Variants in PPP1R12A observed in about 807,000 individuals in gnomAD.
The protein encoded by PPP1R12A is protein phosphatase 1 regulatory subunit 12A, also known as myosin binding subunit.
A neutral mutation model predicts 139.6 loss-of-function variants in PPP1R12A; 19 were observed. The observed-to-expected ratio is 0.14, with a 90% confidence interval of 0.09 to 0.20. The LOEUF is 0.20. Among genes scored for constraint, PPP1R12A ranks in the 10% least tolerant of loss-of-function variants. The pLI is 1.00. For synonymous variants in PPP1R12A, 427 were observed against 420.6 expected, an observed-to-expected ratio of 1.02 and a Z score of -0.19; for missense variants, 925 against 1,211.5, an observed-to-expected ratio of 0.76 and a Z score of 3.51.
At chr12:79,782,889 G>A (rs945411193) in intron 22 of PPP1R12A, among the ~76,000 whole-genome samples, 1 of 152,112 alleles carries the variant, frequency 6.6e-6, no homozygotes, top group Non-Finnish European at 1.5e-5. Context: ...GTTAAATGTG[G>A]TAATTTTAAA....
chr12:79,783,292 T>C (rs1320076456), intron 22 of PPP1R12A, among the ~76,000 whole-genome samples: 6 of 45,794 alleles, frequency 1.3e-4, no homozygotes, highest in Non-Finnish European at 2.0e-4. Flanking sequence ...ACCCCGTCTC[T>C]ACCAAAAAAA....
intron 1 of PPP1R12A, among the ~76,000 whole-genome samples, 199 bp downstream of exon 1, chr12:79,934,496 C>G (rs1256299745): frequency 6.6e-6 from 1 of 152,216 alleles, no homozygotes; most frequent in African/African-American, 2.4e-5. Flanking sequence ...AGCAACTGTT[C>G]TGAAGGGGGG....
intron 2 of PPP1R12A, chr12:79,848,709 G>C (rs868307396): frequency 6.6e-6 from 1 of 151,988 alleles, no homozygotes; most frequent in Non-Finnish European, 1.5e-5. Context: ...CTGCACTCTA[G>C]AACTATTACT....
rs187260278 is a variant in PPP1R12A, at chr12:79,794,071, C to A, written c.2584-143G>T. ...GATAGAATGAGATGTCTAGGATTTT[C>A]TTCTAAATAATATGGGAGTTGGGAG... On this transcript the variant is annotated intron_variant, in intron 18 of 24. Transcript: ENST00000450142. 3.6e-3 allele frequency: 2,215 copies of A among 611,050 alleles called. 18 individuals carry two copies. Among genetic ancestry groups the A allele is most frequent in the Non-Finnish European group, 4.4e-3 (1,654 of 374,602 alleles). The allele number at this position is 611,050 out of a possible 1,614,324, so 37.9% of individuals were successfully genotyped here. A position where few individuals can be genotyped will look rare whatever the true frequency, so the allele number is the denominator to read the frequency against.
intron 1 of PPP1R12A, among the ~76,000 whole-genome samples, chr12:79,906,621 GTATT>G (rs956573522): frequency 8.0e-5 from 12 of 149,888 alleles, no homozygotes; most frequent in Admixed American, 4.6e-4. Context: ...ATGTATGTAT[GTATT>G]TATTTATTTA....
chr12:79,788,791 A>G lies in PPP1R12A; in HGVS notation c.2667-8T>C. 6.4e-7 allele frequency: 1 copy of G among 1,573,926 alleles called. No individual in the cohort carries two copies. Among genetic ancestry groups the G allele is most frequent in the East Asian group, 2.3e-5 (1 of 42,960 alleles). On this transcript the variant is annotated splice_polypyrimidine_tract_variant and splice_region_variant and intron_variant, in intron 20 of 24. Transcript: ENST00000450142. ...GTAGAACTGGTTTCATATCTTCAAA[A>G]GATTAATTTAAATAAAAAACCTTGT...
At chr12:79,880,664 G>T (rs1163063303) in intron 1 of PPP1R12A, among the ~76,000 whole-genome samples, 1 of 152,132 alleles carries the variant, frequency 6.6e-6, no homozygotes, top group African/African-American at 2.4e-5. Context: ...GAAGGGTGAC[G>T]TGATCAGATC....
At chr12:79,884,921 AAGG>A (rs1883970224) in intron 1 of PPP1R12A, among the ~76,000 whole-genome samples, 2 of 152,198 alleles carry the variant, frequency 1.3e-5, no homozygotes. Flanking sequence ...AAGAGTTAAC[AAGG>A]TGTTTATACA....
At chr12:79,848,659 A>G (rs1217176889) in intron 2 of PPP1R12A, 1 of 152,180 alleles carries the variant, frequency 6.6e-6, no homozygotes, top group African/African-American at 2.4e-5. Flanking sequence ...ATATGTATGT[A>G]TGTACTTATG....
intron 4 of PPP1R12A, among the ~76,000 whole-genome samples, chr12:79,830,795 C>T (rs1371856696): frequency 6.6e-6 from 1 of 152,064 alleles, no homozygotes; most frequent in African/African-American, 2.4e-5. Flanking sequence ...TAAAAGCATC[C>T]AGACAGAAAC....
chr12:79,886,511 C>T (rs760720937), intron 1 of PPP1R12A, among the ~76,000 whole-genome samples: 17 of 152,022 alleles, frequency 1.1e-4, no homozygotes, highest in Non-Finnish European at 1.9e-4. Flanking sequence ...AACAAGAAAT[C>T]CAAAACATAC....
chr12:79,896,111 A>C (rs1008992463), intron 1 of PPP1R12A, among the ~76,000 whole-genome samples: 6 of 152,068 alleles, frequency 3.9e-5, no homozygotes, highest in Non-Finnish European at 8.8e-5. Flanking sequence ...AATTAAGGAG[A>C]GATAAGAAGA....
At chr12:79,871,217 A>G (rs1183140592) in intron 2 of PPP1R12A, among the ~76,000 whole-genome samples, 1 of 152,208 alleles carries the variant, frequency 6.6e-6, no homozygotes, top group Non-Finnish European at 1.5e-5. Context: ...AACAAGTACC[A>G]TTATTCTTTA....
intron 24 of PPP1R12A, among the ~76,000 whole-genome samples, chr12:79,777,931 TC>T (rs1445495692): frequency 5.3e-5 from 8 of 152,130 alleles, no homozygotes; most frequent in Non-Finnish European, 1.2e-4. Flanking sequence ...ATCTTGAACT[TC>T]TAATTCTGTG....
intron 1 of PPP1R12A, among the ~76,000 whole-genome samples, chr12:79,891,470 T>A (rs952467010): frequency 6.6e-6 from 1 of 152,142 alleles, no homozygotes; most frequent in Admixed American, 6.6e-5. Context: ...AACAAGCAGC[T>A]CTTAAGGCAT....
rs1459712448 is a variant in PPP1R12A at position 79,805,612 on chromosome 12, T to C, written c.1980A>G (p.Thr660=). ...TTTAGTVSST[T]EVRERRRSYL... ...CACACCTGCGTCTCTCCCTGACCTC[T>C]GTTGTGGAGGAGACAGTGCCAGCAG... is the stretch of plus-strand genomic sequence containing the variant. The change falls in exon 14 of 25, where the codon ACA becomes ACG. Residue 660 remains threonine, a synonymous_variant. Transcript: ENST00000450142. The C allele has an allele frequency of 3.1e-6, 5 of 1,613,646 alleles. No homozygotes were observed. The Admixed American group carries it at 8.3e-5, about 27-fold the overall frequency.
At chr12:79,903,131 A>T (rs1473987477) in intron 1 of PPP1R12A, among the ~76,000 whole-genome samples, 1 of 152,090 alleles carries the variant, frequency 6.6e-6, no homozygotes, top group East Asian at 1.9e-4. Context: ...AGGTACACAA[A>T]CTTTGTTTCA....
chr12:79,864,474 A>G (rs1881734411), intron 2 of PPP1R12A, among the ~76,000 whole-genome samples: 1 of 152,206 alleles, frequency 6.6e-6, no homozygotes, highest in African/African-American at 2.4e-5. Flanking sequence ...GCAGAAGACA[A>G]GCAATAACTA....
intron 14 of PPP1R12A, among the ~76,000 whole-genome samples, chr12:79,804,859 T>G (rs976144457): frequency 2.0e-5 from 3 of 152,070 alleles, no homozygotes; most frequent in Non-Finnish European, 4.4e-5. Flanking sequence ...AAAAGTAAAA[T>G]AGTCACATAT....
Sources: gnomAD v4.1 joint callset for allele counts (sites outside exome capture counted in the v4.1 genomes callset) on GRCh38, gnomAD v4.1.1 for gene constraint, MANE v1.5 for transcripts, NCBI Gene and HGNC (gene_info 2026-07-23, HGNC 2026-07-21) for gene names.